CHD1: variants seen among roughly 807,000 people sequenced by gnomAD.
CHD1 encodes the protein ATP-dependent chromatin remodeler CHD1.
Under a neutral mutation model 224.2 loss-of-function variants are expected in CHD1, and 36 were observed. The observed-to-expected ratio is 0.16, with a 90% CI of 0.12 to 0.21. The LOEUF (loss-of-function observed/expected upper bound fraction) is 0.21, where lower values mean the gene tolerates loss of function less well. Among genes scored for constraint, CHD1 ranks in the 10% least tolerant of loss-of-function variants. The pLI is 1.00. For missense variants in CHD1, 1,378 were observed against 1,994.8 expected, an observed-to-expected ratio of 0.69 and a Z score of 5.89; for synonymous variants, 668 against 658.3, an observed-to-expected ratio of 1.01 and a Z score of -0.23.
rs771249173 is a variant in CHD1 at position 98,868,578 on chromosome 5, C to T, written c.4165G>A (p.Ala1389Thr). The change falls in exon 31 of 36, where the codon GCT becomes ACT. Residue 1389 changes from alanine (A) to threonine (T), a missense_variant. This residue lies in a region of CHD1 where 105 missense variants were observed against 93.4 expected (regional missense o/e 1.12). Transcript: ENST00000614616. The stretch of plus-strand genomic sequence containing the variant: ...CCACTTGCCGTGATATGAACTGGAG[C>T]ATCTGACACTGAAGATTTCTTGGAT... ...ERSKKSSVSD[A>T]PVHITASGEP... is the part of the protein sequence containing the mutation. The T allele has an allele frequency of 7.5e-6, 12 of 1,609,994 alleles. No individual in the cohort carries two copies. Among genetic ancestry groups the T allele is most frequent in the Non-Finnish European group, 1.0e-5 (12 of 1,178,822 alleles).
chr5:98,863,678 A>G (rs923538584), intron 31 of CHD1, 92 bp from the exon 32 acceptor site: 15 of 822,324 alleles, frequency 1.8e-5, no homozygotes, highest in Non-Finnish European at 2.6e-5. Flanking sequence ...ACATGAGTAT[A>G]ATATTATAAC....
chr5:98,864,555 C>T lies in CHD1; in HGVS notation c.4249-969G>A, dbSNP rs1748719009. Among the ~76,000 whole-genome samples the T allele has an allele frequency of 2.8e-5, 4 of 144,788 alleles. No individual in the cohort carries two copies. In the South Asian group the frequency reaches 8.7e-4, roughly 32 times the overall value. The allele number at this position is 144,788 out of a possible 152,430, so 95.0% of individuals were successfully genotyped here. ...AAAAAAAAAAAAAAAATTAGCCAAG[C>T]ATGGTGGCGCACACCTGTAGTCCCA... On this transcript the variant is annotated intron_variant, in intron 31 of 35. Coordinates refer to ENST00000614616, the MANE Select transcript of CHD1 (RefSeq NM_001270.4).
chr5:98,883,229 G>A lies in CHD1; in HGVS notation c.2577C>T (p.Cys859=). The change falls in exon 19 of 36, where the codon TGC becomes TGT. Residue 859 remains cysteine, a synonymous_variant. Coordinates refer to ENST00000614616, the MANE Select transcript of CHD1 (RefSeq NM_001270.4). The stretch of plus-strand genomic sequence containing the variant: ...CTCCAGCTCTTGTGGACAGCAAAAA[G>A]CAAAAATCCTGTAAGAAATTGAATA... ...HFNAEGSEDF[C]FLLSTRAGGL... 1 of 1,570,936 alleles carries A rather than the reference G, an allele frequency of 6.4e-7. No homozygotes were observed. Among genetic ancestry groups the A allele is most frequent in the Non-Finnish European group, 8.6e-7 (1 of 1,166,900 alleles).
At chr5:98,859,099 G>T in intron 33 of CHD1, 84 bp from the exon 34 acceptor site, 1 of 984,990 alleles carries the variant, frequency 1.0e-6, no homozygotes, top group Non-Finnish European at 1.5e-6. Context: ...AGAAAATACT[G>T]ATAATGAAGT....
chr5:98,881,022 A>T, intron 22 of CHD1, 54 bp downstream of exon 22: 1 of 968,316 alleles, frequency 1.0e-6, no homozygotes, highest in Non-Finnish European at 1.6e-6. Context: ...TAAATGACAT[A>T]ACTCAATTCC....
At chr5:98,893,373 A>T (rs970716554) in intron 14 of CHD1, 43 bp downstream of exon 14, 5 of 1,373,504 alleles carry the variant, frequency 3.6e-6, no homozygotes, top group Non-Finnish European at 5.0e-6. Context: ...CCCACTAAAC[A>T]TAATATCCAC....
At chr5:98,919,314 A>C (rs541039606) in intron 2 of CHD1, among the ~76,000 whole-genome samples, 33 of 152,332 alleles carry the variant, frequency 2.2e-4, no homozygotes, top group Non-Finnish European at 3.8e-4. Context: ...TTTAAAAATC[A>C]ACCAGTATGA....
chr5:98,897,520 T>C (rs947618105), intron 10 of CHD1, among the ~76,000 whole-genome samples, 200 bp from the exon 11 acceptor site: 2 of 152,136 alleles, frequency 1.3e-5, no homozygotes, highest in Non-Finnish European at 2.9e-5. Flanking sequence ...GTGAAATATT[T>C]TGCCTTCTTT....
At chr5:98,890,586 G>A (rs974958458) in intron 15 of CHD1, among the ~76,000 whole-genome samples, 3 of 152,114 alleles carry the variant, frequency 2.0e-5, no homozygotes, top group Non-Finnish European at 4.4e-5. Flanking sequence ...AATTACAGGT[G>A]AATGTGTCTT....
intron 35 of CHD1, 150 bp downstream of exon 35, chr5:98,858,030 A>G (rs1437560182): frequency 1.8e-6 from 1 of 564,860 alleles, no homozygotes; most frequent in Admixed American, 3.0e-5. Flanking sequence ...AAATATATAC[A>G]TTTTTCTTAA....
At chr5:98,886,954 C>T (rs1206414433) in intron 17 of CHD1, among the ~76,000 whole-genome samples, 1 of 151,830 alleles carries the variant, frequency 6.6e-6, no homozygotes, top group Non-Finnish European at 1.5e-5. Context: ...ACTATGTACA[C>T]AATAATTTGT....
rs557585605 is a variant in CHD1, at chr5:98,860,041, A to G, written c.4455T>C (p.Phe1485=). The G allele has an allele frequency of 3.8e-6, 6 of 1,560,136 alleles. No homozygotes were observed. In the East Asian group the frequency reaches 1.4e-4, roughly 35 times the overall value. ...RKNLWIFVSK[F]TEFDARKLHK... ...GTAATTTTCTTGCATCAAATTCAGT[A>G]AACTTAGATACAAAAATCCACAGGT... Residue 1485 remains phenylalanine (F), a synonymous_variant, in exon 33 of 36, where the codon TTT becomes TTC. Coordinates refer to ENST00000614616, the MANE Select transcript of CHD1 (RefSeq NM_001270.4).
chr5:98,879,052 T>A (rs1048990200), intron 23 of CHD1, among the ~76,000 whole-genome samples: 2 of 152,054 alleles, frequency 1.3e-5, no homozygotes, highest in African/African-American at 4.8e-5. Context: ...GACAACATGG[T>A]AAAACTCCAT....
At chr5:98,912,846 A>G (rs1359018413) in intron 2 of CHD1, among the ~76,000 whole-genome samples, 1 of 152,170 alleles carries the variant, frequency 6.6e-6, no homozygotes, top group Non-Finnish European at 1.5e-5. Flanking sequence ...ATTATATAAC[A>G]TATACATTTA....
chr5:98,870,560 C>A, intron 29 of CHD1, 127 bp downstream of exon 29: 1 of 488,420 alleles, frequency 2.0e-6, no homozygotes, highest in Non-Finnish European at 3.7e-6. Context: ...TCAAATAAAA[C>A]TACTTAATTA....
chr5:98,904,153 TAA>T (rs1370678630), intron 3 of CHD1, among the ~76,000 whole-genome samples: 1 of 152,196 alleles, frequency 6.6e-6, no homozygotes, highest in Non-Finnish European at 1.5e-5. Flanking sequence ...CTCTTGATGC[TAA>T]GAGTATTATT....
At chr5:98,868,702 C>T in intron 30 of CHD1, 67 bp from the exon 31 acceptor site, 6 of 1,368,522 alleles carry the variant, frequency 4.4e-6, no homozygotes, top group Non-Finnish European at 5.9e-6. Flanking sequence ...ATGACTAACA[C>T]TTCCAGAAAA....
chr5:98,904,021 T>C, intron 3 of CHD1, 113 bp from the exon 4 acceptor site: 1 of 636,390 alleles, frequency 1.6e-6, no homozygotes, highest in Non-Finnish European at 2.8e-6. Flanking sequence ...TAATAAAGAC[T>C]ATATTCCTTA....
Position 98,860,221 on chromosome 5 carries a change from T to G in CHD1, c.4428-153A>C, listed in dbSNP as rs747005182. 1.4e-5 allele frequency: 9 copies of G among 640,284 alleles called. No individual in the cohort carries two copies. In the African/African-American group the frequency reaches 1.6e-4, roughly 12 times the overall value. 39.7% of individuals were successfully genotyped at this position (640,284 alleles called of 1,614,324 possible). On this transcript the variant is annotated intron_variant, in intron 32 of 35. Transcript: ENST00000614616. ...TAAGGATATTAATTTTCCTATGCAT[T>G]TTTTCAAAACTTCATATATGACTAA...
Sources: allele counts gnomAD v4.1 joint callset (sites outside exome capture counted in the v4.1 genomes callset), GRCh38; gene constraint gnomAD v4.1.1; regional missense constraint gnomAD v4.1.1; transcripts MANE v1.5; gene names NCBI Gene and HGNC (gene_info 2026-07-23, HGNC 2026-07-21).